ABCA13: variants seen among roughly 807,000 people sequenced by gnomAD.
ABCA13 encodes the protein ATP-binding cassette sub-family A member 13.
Under a neutral mutation model 478.7 loss-of-function variants are expected in ABCA13, and 476 were observed. The observed-to-expected ratio is 0.99, with a 90% confidence interval of 0.92 to 1.07. The LOEUF (loss-of-function observed/expected upper bound fraction) is 1.07. ABCA13 is among the 50% of genes least tolerant of loss of function. The pLI is 0.00. For synonymous variants in ABCA13, 2,252 were observed against 2,158.9 expected (o/e 1.04, Z -1.20); for missense variants, 6,060 against 5,910.6 (o/e 1.03, Z -0.83).
intron 34 of ABCA13, 73 bp from the exon 35 acceptor site, chr7:48,376,368 T>C (rs1813481748): frequency 2.6e-6 from 4 of 1,547,030 alleles, no homozygotes; most frequent in Non-Finnish European, 2.6e-6. Flanking sequence ...CCAGAAGTAA[T>C]GAACTCATCA....
At chr7:48,644,814 A>G (rs1002300238) in intron 61 of ABCA13, 60 bp downstream of exon 61, 1 of 1,441,686 alleles carries the variant, frequency 6.9e-7, no homozygotes, top group Non-Finnish European at 9.2e-7. Flanking sequence ...GACCTAATGT[A>G]GCCAATTTTA....
chr7:48,344,325 G>A (rs1428156868), intron 29 of ABCA13, among the ~76,000 whole-genome samples: 1 of 152,192 alleles, frequency 6.6e-6, no homozygotes, highest in African/African-American at 2.4e-5. Context: ...TAGGGCCTAG[G>A]TTGAGAAACT....
chr7:48,471,377 G>A (rs760380819), intron 44 of ABCA13, among the ~76,000 whole-genome samples, 153 bp from the exon 45 acceptor site: 2 of 152,246 alleles, frequency 1.3e-5, no homozygotes, highest in Non-Finnish European at 2.9e-5. Flanking sequence ...AACAGCTCAA[G>A]CTGTGAAAAC....
intron 5 of ABCA13, among the ~76,000 whole-genome samples, chr7:48,225,185 C>CTTCCTTCT (rs1454819337): frequency 6.8e-6 from 1 of 147,662 alleles, no homozygotes; most frequent in African/African-American, 2.5e-5. Context: ...TCCTTCCTTC[C>CTTCCTTCT]TTCCTTCTTT....
At chr7:48,479,808 G>A (rs914305953) in intron 45 of ABCA13, among the ~76,000 whole-genome samples, 1 of 152,118 alleles carries the variant, frequency 6.6e-6, no homozygotes, top group Non-Finnish European at 1.5e-5. Flanking sequence ...GACCCTGAAA[G>A]TAGTATCTTA....
chr7:48,219,417 G>T lies in ABCA13; in HGVS notation c.351G>T (p.Glu117Asp). 1 of 1,613,152 alleles carries T rather than the reference G, an allele frequency of 6.2e-7. No homozygotes were observed. Among genetic ancestry groups the T allele is most frequent in the South Asian group, 1.1e-5 (1 of 90,888 alleles). Residue 117 changes from glutamate (E) to aspartate (D), a missense_variant, in exon 4 of 62, where the codon GAG becomes GAT. By Grantham distance (45) the Glu-to-Asp change is conservative. Around this residue, in one of 3 missense-constraint regions of ABCA13, gnomAD observed 4,423 missense variants for 4,309.1 expected, o/e 1.03. Transcript: ENST00000435803. ...TCAACAACCTGGCCTTTTTAAAAGA[G>T]ATACAAGACCTGGCAGAGGAAATTC... Reference protein sequence around the residue: ...KKVNNLAFLKEIQDLAEEIHG... With the variant: ...KKVNNLAFLKDIQDLAEEIHG...
At chr7:48,585,219 A>T (rs1789067139) in intron 56 of ABCA13, among the ~76,000 whole-genome samples, 1 of 152,176 alleles carries the variant, frequency 6.6e-6, no homozygotes, top group South Asian at 2.1e-4. Flanking sequence ...TTGATATTTT[A>T]AAATTCACTT....
rs1238171578 is a variant in ABCA13, at chr7:48,548,959, C to T, written c.14354+20614C>T. 2.0e-5 allele frequency among the ~76,000 whole-genome samples: 3 copies of T among 151,664 alleles called. 1 individual carries two copies. The highest frequency in any genetic ancestry group is 4.4e-5 in the Non-Finnish European group (3 of 67,806). Reference sequence around the variant, plus strand: ...CTAAGATTGAAACTTGACTACATCTCTATTAAAATAGAGATGGGTGGTGGT... The same window carrying T: ...CTAAGATTGAAACTTGACTACATCTTTATTAAAATAGAGATGGGTGGTGGT... On this transcript the variant is annotated intron_variant, in intron 55 of 61. Coordinates refer to ENST00000435803, the MANE Select transcript of ABCA13 (RefSeq NM_152701.5).
intron 27 of ABCA13, 52 bp from the exon 28 acceptor site, chr7:48,335,365 TTTATC>T (rs1300735450): frequency 9.0e-6 from 12 of 1,326,166 alleles, no homozygotes; most frequent in Non-Finnish European, 1.1e-5. Context: ...TGTTGGAAGA[TTTATC>T]TTAATATAAC....
At chr7:48,594,581 T>C (rs376002059) in intron 57 of ABCA13, 129 bp from the exon 58 acceptor site, 20 of 760,784 alleles carry the variant, frequency 2.6e-5, no homozygotes, top group East Asian at 1.1e-4. Flanking sequence ...ACAAAGCCAA[T>C]TGGAGAGGTG....
At chr7:48,222,266 A>G (rs1787479922) in intron 5 of ABCA13, among the ~76,000 whole-genome samples, 6 of 152,238 alleles carry the variant, frequency 3.9e-5, no homozygotes, top group Admixed American at 3.9e-4. Flanking sequence ...TAATGAAAGA[A>G]CTTAAAAATA....
rs150249009 is a variant in ABCA13 at position 48,594,016 on chromosome 7, T to A, written c.14641-694T>A. ...TTTTTGACAGTTTGATTATTGCGTA[T>A]CTCAGTGAATAATTTGTTGGGTTGA... On this transcript the variant is annotated intron_variant, in intron 57 of 61. Transcript: ENST00000435803. 1.8e-3 allele frequency among the ~76,000 whole-genome samples: 274 copies of A among 152,212 alleles called. 1 individual carries two copies. Among genetic ancestry groups the A allele is most frequent in the African/African-American group, 6.2e-3 (258 of 41,548 alleles).
At chr7:48,486,578 T>C (rs1013083795) in intron 47 of ABCA13, among the ~76,000 whole-genome samples, 4 of 152,156 alleles carry the variant, frequency 2.6e-5, no homozygotes, top group Admixed American at 2.6e-4. Context: ...ACGCCAACTA[T>C]TTTCGGTTTT....
chr7:48,513,366 C>T (rs1295981737), intron 51 of ABCA13, among the ~76,000 whole-genome samples: 1 of 152,156 alleles, frequency 6.6e-6, no homozygotes, highest in East Asian at 1.9e-4. Flanking sequence ...TGTTTTTCTT[C>T]TTTCTATCAA....
intron 55 of ABCA13, among the ~76,000 whole-genome samples, chr7:48,530,932 G>A (rs1330584587): frequency 2.6e-5 from 4 of 152,172 alleles, no homozygotes; most frequent in Admixed American, 6.5e-5. Flanking sequence ...CTCCCACTCT[G>A]TGGGCTGGCT....
intron 55 of ABCA13, among the ~76,000 whole-genome samples, chr7:48,570,763 G>C (rs1204374881): frequency 1.3e-5 from 2 of 151,992 alleles, no homozygotes; most frequent in Non-Finnish European, 2.9e-5. Context: ...TGATAATTAT[G>C]TGGTAATTAC....
At chr7:48,323,826 A>C (rs984994647) in intron 27 of ABCA13, among the ~76,000 whole-genome samples, 16 of 152,154 alleles carry the variant, frequency 1.1e-4, no homozygotes, top group African/African-American at 3.6e-4. Context: ...GAGATAACTG[A>C]ATCACCGGGG....
intron 16 of ABCA13, 110 bp downstream of exon 16, chr7:48,269,204 T>G: frequency 1.6e-6 from 1 of 624,362 alleles, no homozygotes; most frequent in Non-Finnish European, 2.8e-6. Flanking sequence ...CTGATTTAGA[T>G]ATTGACACAA....
chr7:48,449,023 A>G (rs1176173154), intron 42 of ABCA13, among the ~76,000 whole-genome samples: 1 of 151,978 alleles, frequency 6.6e-6, no homozygotes, highest in African/African-American at 2.4e-5. Context: ...TTGTATTTTT[A>G]GTAGAGATGG....
Sources: allele counts gnomAD v4.1 joint callset (sites outside exome capture counted in the v4.1 genomes callset), GRCh38; gene constraint gnomAD v4.1.1; regional missense constraint gnomAD v4.1.1; transcripts MANE v1.5; gene names NCBI Gene and HGNC (gene_info 2026-07-23, HGNC 2026-07-21).